MBNL2: variants seen among roughly 807,000 people sequenced by gnomAD.
MBNL2 encodes the protein muscleblind like splicing regulator 2.
MBNL2 carries 17 observed loss-of-function variants against 41.9 expected under a neutral mutation model. That is an observed-to-expected ratio of 0.41 (90% CI 0.28 to 0.61). The LOEUF (loss-of-function observed/expected upper bound fraction) is 0.61, where lower values mean the gene tolerates loss of function less well. Among genes scored for constraint, MBNL2 ranks in the 20% least tolerant of loss-of-function variants. The pLI, the probability that MBNL2 is intolerant of heterozygous loss-of-function variation, is 0.35. For missense variants in MBNL2, 336 were observed against 505.6 expected (o/e 0.66, Z 3.22); for synonymous variants, 195 against 182.9 (o/e 1.07, Z -0.53).
the MBNL2 span, among the ~76,000 whole-genome samples, chr13:97,147,115 A>G: frequency 6.6e-6 from 1 of 152,200 alleles, no homozygotes; most frequent in Admixed American, 6.5e-5. Flanking sequence ...TGAAAAGGTT[A>G]ATGAACTACT....
At chr13:97,304,003 G>T (rs2057887721) in intron 2 of MBNL2, among the ~76,000 whole-genome samples, 1 of 152,338 alleles carries the variant, frequency 6.6e-6, no homozygotes. Flanking sequence ...AAGTGACACT[G>T]TTGTGGCCTG....
chr13:97,365,407 C>T (rs1249076630), intron 8 of MBNL2, among the ~76,000 whole-genome samples: 2 of 152,080 alleles, frequency 1.3e-5, no homozygotes, highest in African/African-American at 2.4e-5. Flanking sequence ...GCCACAAGTA[C>T]GAGTCTGCTT....
chr13:97,384,967 A>C (rs752454583), intron 8 of MBNL2, among the ~76,000 whole-genome samples: 1 of 151,978 alleles, frequency 6.6e-6, no homozygotes, highest in Non-Finnish European at 1.5e-5. Context: ...GAGAATGGGG[A>C]GGGAATGTTT....
At chr13:97,306,871 T>G (rs1316170057) in intron 2 of MBNL2, among the ~76,000 whole-genome samples, 1 of 152,200 alleles carries the variant, frequency 6.6e-6, no homozygotes, top group African/African-American at 2.4e-5. Context: ...GCTCAAGGAC[T>G]ATAAGTTCTT....
the MBNL2 span, among the ~76,000 whole-genome samples, chr13:97,188,912 G>A: frequency 5.9e-4 from 90 of 151,786 alleles, 4 homozygotes; most frequent in South Asian, 0.014. Flanking sequence ...CTCTGAAACC[G>A]CTACACCTTG....
the MBNL2 span, among the ~76,000 whole-genome samples, chr13:97,210,678 T>C: frequency 7.4e-6 from 1 of 134,630 alleles, no homozygotes; most frequent in African/African-American, 2.7e-5. Flanking sequence ...CTGCAACTTC[T>C]GCCTCCCAGG....
chr13:97,319,213 G>A (rs2059299876), intron 2 of MBNL2, among the ~76,000 whole-genome samples: 2 of 150,014 alleles, frequency 1.3e-5, no homozygotes, highest in African/African-American at 4.9e-5. Context: ...CATAAGACGT[G>A]GGACACCCGG....
At chr13:97,149,378 C>G in the MBNL2 span, among the ~76,000 whole-genome samples, 1 of 152,154 alleles carries the variant, frequency 6.6e-6, no homozygotes, top group Non-Finnish European at 1.5e-5. Flanking sequence ...GCATCTTCCT[C>G]AGGTTCACTA....
At chr13:97,262,989 G>A (rs770495760) in intron 1 of MBNL2, among the ~76,000 whole-genome samples, 2 of 151,920 alleles carry the variant, frequency 1.3e-5, no homozygotes, top group Non-Finnish European at 2.9e-5. Context: ...GTTTCACCAC[G>A]TTGCCCAGGC....
chr13:97,305,758 GACCCC>G (rs2058065836), intron 2 of MBNL2, among the ~76,000 whole-genome samples: 2 of 143,072 alleles, frequency 1.4e-5, no homozygotes, highest in African/African-American at 2.4e-5. Flanking sequence ...AACAGAGGGA[GACCCC>G]GTCTCAAAAC....
At chr13:97,296,988 G>A (rs971736785) in intron 2 of MBNL2, among the ~76,000 whole-genome samples, 1 of 152,190 alleles carries the variant, frequency 6.6e-6, no homozygotes, top group Non-Finnish European at 1.5e-5. Flanking sequence ...TCCCAGTCAA[G>A]GCTCTTGTCT....
the MBNL2 span, among the ~76,000 whole-genome samples, chr13:97,153,562 T>A: frequency 6.6e-6 from 1 of 152,172 alleles, no homozygotes. Context: ...TATGAACGCA[T>A]ATAATTTTGA....
At chr13:97,246,275 T>TCACACACACA (rs34830044) in intron 1 of MBNL2, among the ~76,000 whole-genome samples, 3 of 145,904 alleles carry the variant, frequency 2.1e-5, no homozygotes, top group South Asian at 2.2e-4. Flanking sequence ...TACTGTTATT[T>TCACACACACA]CACACACACA....
chr13:97,220,759 T>C (rs941902936), upstream of MBNL2, among the ~76,000 whole-genome samples: 3 of 152,126 alleles, frequency 2.0e-5, no homozygotes, highest in Non-Finnish European at 2.9e-5. Context: ...CTTAGTTTCA[T>C]TGGTTGAGAA....
intron 3 of MBNL2, among the ~76,000 whole-genome samples, chr13:97,338,563 C>T (rs913786773): frequency 6.6e-6 from 1 of 152,144 alleles, no homozygotes; most frequent in Non-Finnish European, 1.5e-5. Context: ...TGAAAAGTCC[C>T]CTTCATTTAT....
intron 2 of MBNL2, among the ~76,000 whole-genome samples, chr13:97,281,393 A>C (rs1483794170): frequency 6.6e-6 from 1 of 152,276 alleles, no homozygotes; most frequent in Non-Finnish European, 1.5e-5. Flanking sequence ...AGTATAATAC[A>C]ACATTGACAA....
chr13:97,160,179 A>T, the MBNL2 span, among the ~76,000 whole-genome samples: 2 of 152,214 alleles, frequency 1.3e-5, no homozygotes, highest in African/African-American at 4.8e-5. Context: ...TGTAACATTA[A>T]TTCTACGGTG....
rs537375831 is a variant in MBNL2, at chr13:97,235,029, G to A, written c.-605+12498G>A. On this transcript the variant is annotated intron_variant, in intron 1 of 8. Coordinates refer to ENST00000679496, the MANE Select transcript of MBNL2 (RefSeq NM_001382683.1). ...AGGAAGGATTTTCTCCCTCAGTTCC[G>A]CCCAGGCCTTCTTAGGGACACGCAG... is the stretch of plus-strand genomic sequence containing the variant. 5.0e-4 allele frequency among the ~76,000 whole-genome samples: 76 copies of A among 152,240 alleles called. 2 individuals carry two copies. In the South Asian group the frequency reaches 0.014, roughly 29 times the overall value.
intron 5 of MBNL2, among the ~76,000 whole-genome samples, chr13:97,348,342 C>T (rs534872920): frequency 1.3e-5 from 2 of 152,162 alleles, no homozygotes; most frequent in African/African-American, 2.4e-5. Flanking sequence ...ATTACAGGTG[C>T]GAGCTACCAT....
Sources: allele counts gnomAD v4.1 joint callset (sites outside exome capture counted in the v4.1 genomes callset), GRCh38; gene constraint gnomAD v4.1.1; transcripts MANE v1.5; gene names NCBI Gene and HGNC (gene_info 2026-07-23, HGNC 2026-07-21).